Variants in ESR1 observed in about 807,000 individuals in gnomAD.
The protein encoded by ESR1 is estrogen receptor 1, also known as estrogen receptor.
Under a neutral mutation model 52.7 loss-of-function variants are expected in ESR1, and 12 were observed. That is an observed-to-expected ratio of 0.23 (90% CI 0.15 to 0.37). The LOEUF is 0.37. Among genes scored for constraint, ESR1 ranks in the 10% least tolerant of loss-of-function variants. The probability of loss-of-function intolerance (pLI) is 1.00; values close to 1 mark genes in which losing one functional copy is unlikely to be tolerated. For missense variants in ESR1, 584 were observed against 779.7 expected (o/e 0.75, Z 2.99); for synonymous variants, 305 against 316.8 (o/e 0.96, Z 0.39).
In ESR1 at chr6:152,053,773, G is replaced by A. The variant is rs1192263583; in HGVS notation, c.1236-7218G>A. Among the ~76,000 whole-genome samples, 4 of 152,082 alleles carry A rather than the reference G, an allele frequency of 2.6e-5. No individual in the cohort carries two copies. Among genetic ancestry groups the A allele is most frequent in the African/African-American group, 9.7e-5 (4 of 41,404 alleles). ...TATTTTATGCTTTCATGGAGGCCGT[G>A]TAAATTGGTATAACCTTTTTGGAAG... On this transcript the variant is annotated intron_variant, in intron 5 of 7. Transcript: ENST00000206249. This position sits in a 1 kb window ranked among gnomAD's most constrained non-coding sequence, Gnocchi z 4.1.
chr6:151,932,126 CTT>C (rs1396207130), intron 3 of ESR1, among the ~76,000 whole-genome samples: 1 of 149,942 alleles, frequency 6.7e-6, no homozygotes, highest in Non-Finnish European at 1.5e-5. Context: ...TGTTTCCTGA[CTT>C]TTTAATGATT....
intron 2 of ESR1, among the ~76,000 whole-genome samples, chr6:151,733,972 TGG>T (rs1782449483): frequency 6.6e-6 from 1 of 152,198 alleles, no homozygotes; most frequent in Non-Finnish European, 1.5e-5. Context: ...CATATTCACT[TGG>T]GATAATTGGG....
intron 2 of ESR1, among the ~76,000 whole-genome samples, chr6:151,709,555 C>T (rs1780431503): frequency 6.6e-6 from 1 of 152,172 alleles, no homozygotes; most frequent in Non-Finnish European, 1.5e-5. Context: ...TCCATAGTGG[C>T]TGTACTAACA....
chr6:151,693,700 C>A (rs1220075086), intron 1 of ESR1, among the ~76,000 whole-genome samples: 1 of 152,168 alleles, frequency 6.6e-6, no homozygotes, highest in Non-Finnish European at 1.5e-5. Flanking sequence ...TCACTGCAAC[C>A]TCCGCCTCCC....
intron 2 of ESR1, among the ~76,000 whole-genome samples, chr6:151,868,121 G>GT (rs987544401): frequency 2.1e-4 from 30 of 145,714 alleles, no homozygotes; most frequent in South Asian, 8.7e-4. Flanking sequence ...TGTTTTCTTT[G>GT]TTTTTTTTTG....
rs183742626 is a variant in ESR1, at chr6:151,765,086, G to C, written c.-70-42757G>C. 2.1e-3 allele frequency among the ~76,000 whole-genome samples: 326 copies of C among 152,256 alleles called. 2 individuals carry two copies. Among genetic ancestry groups the C allele is most frequent in the Non-Finnish European group, 2.2e-3 (151 of 68,008 alleles). ...AATATATTTTGTTTGACATAATATA[G>C]CTAAATATCAATTTTGACATGTTCT... is the stretch of plus-strand genomic sequence containing the variant. On this transcript the variant is annotated intron_variant, in intron 2 of 2. Transcript: ENST00000404742.
chr6:151,664,009 G>C (rs1777733055), intron 1 of ESR1, among the ~76,000 whole-genome samples: 1 of 152,024 alleles, frequency 6.6e-6, no homozygotes, highest in South Asian at 2.1e-4. Flanking sequence ...TTTCTATGAG[G>C]GATCTTGGAT....
chr6:151,661,410 G>A (rs1215018895), intron 1 of ESR1, among the ~76,000 whole-genome samples: 2 of 152,174 alleles, frequency 1.3e-5, no homozygotes, highest in Admixed American at 6.5e-5. Context: ...CCTGGTGAGG[G>A]GTGGCTTCTA....
rs58501088 is a variant in ESR1 at position 151,958,973 on chromosome 6, C to CGTGTGTGTGT, written c.1096+14477_1096+14486dup. Among the ~76,000 whole-genome samples the CGTGTGTGTGT allele has an allele frequency of 7.3e-3, 1,086 of 148,830 alleles. 15 individuals are homozygous for CGTGTGTGTGT. The highest frequency in any genetic ancestry group is 0.024 in the African/African-American group (990 of 40,472). On this transcript the variant is annotated intron_variant, in intron 4 of 7. Coordinates refer to ENST00000206249, the MANE Select transcript of ESR1 (RefSeq NM_000125.4). ...CTTCCATTGGAAGAGAAAAAGTTTCCGTGTGTGTGTGTGTGTGTGTGCGTG... is the reference window on the plus strand; with the variant it reads ...CTTCCATTGGAAGAGAAAAAGTTTCCGTGTGTGTGTGTGTGTGTGTGTGTGTGTGTGCGTG...
intron 3 of ESR1, among the ~76,000 whole-genome samples, chr6:151,927,895 T>C (rs2033003202): frequency 6.8e-6 from 1 of 147,338 alleles, no homozygotes; most frequent in South Asian, 2.1e-4. Context: ...TTTTTTTTTT[T>C]GTATTTTTAG....
chr6:151,829,849 G>C (rs894739145), intron 1 of ESR1, among the ~76,000 whole-genome samples: 2 of 152,214 alleles, frequency 1.3e-5, no homozygotes, highest in Non-Finnish European at 2.9e-5. Flanking sequence ...CAGAACTTAA[G>C]AGTATGAGTC....
chr6:151,703,384 G>A (rs1339140829), intron 2 of ESR1, among the ~76,000 whole-genome samples: 2 of 152,136 alleles, frequency 1.3e-5, no homozygotes, highest in Non-Finnish European at 2.9e-5. Context: ...GTCTGCAAGG[G>A]CATGGCTGAC....
At chr6:151,808,725 G>A (rs918238360) in intron 1 of ESR1, among the ~76,000 whole-genome samples, 1 of 152,200 alleles carries the variant, frequency 6.6e-6, no homozygotes, top group African/African-American at 2.4e-5. Flanking sequence ...AACACGGGGC[G>A]CTTTGAGTCA....
At chr6:151,780,701 T>C (rs1447673882) in intron 2 of ESR1, among the ~76,000 whole-genome samples, 1 of 152,364 alleles carries the variant, frequency 6.6e-6, no homozygotes, top group South Asian at 2.1e-4. Context: ...GTTAGGCTTA[T>C]GTTTGATGTC....
chr6:151,691,021 G>A (rs759966160), intron 1 of ESR1, among the ~76,000 whole-genome samples: 1 of 152,194 alleles, frequency 6.6e-6, no homozygotes, highest in Non-Finnish European at 1.5e-5. Flanking sequence ...GTTGAACTGT[G>A]TTAGAATTTT....
intron 5 of ESR1, among the ~76,000 whole-genome samples, chr6:152,043,378 C>T (rs752409058): frequency 1.3e-5 from 2 of 152,224 alleles, no homozygotes; most frequent in African/African-American, 2.4e-5. Flanking sequence ...AGCCCACACC[C>T]TTAATATCCA....
chr6:151,796,688 C>T (rs1776746072), intron 2 of ESR1, among the ~76,000 whole-genome samples: 1 of 152,096 alleles, frequency 6.6e-6, no homozygotes, highest in South Asian at 2.1e-4. Flanking sequence ...AGTTTTGCAC[C>T]AACCAAATAC....
intron 5 of ESR1, among the ~76,000 whole-genome samples, chr6:152,022,762 G>C (rs1427197941): frequency 6.6e-6 from 1 of 151,986 alleles, no homozygotes; most frequent in East Asian, 1.9e-4. Context: ...ACCTGAGGTT[G>C]GGAGTTCGAG....
intron 2 of ESR1, among the ~76,000 whole-genome samples, chr6:151,777,823 G>A (rs557001795): frequency 7.9e-5 from 12 of 152,216 alleles, no homozygotes; most frequent in Non-Finnish European, 1.0e-4. Flanking sequence ...AGCCGGGCAC[G>A]GTGGTGCATG....
Sources: gnomAD v4.1 joint callset for allele counts (sites outside exome capture counted in the v4.1 genomes callset) on GRCh38, gnomAD v4.1.1 for gene constraint, Gnocchi (gnomAD v3.1) non-coding constraint, MANE v1.5 for transcripts, NCBI Gene and HGNC (gene_info 2026-07-23, HGNC 2026-07-21) for gene names.